The following KIAA0825 variants were observed in gnomAD, a reference collection of about 807,000 sequenced individuals.
The protein encoded by KIAA0825 is uncharacterized protein KIAA0825.
In KIAA0825, 119 loss-of-function variants were observed where a neutral mutation model predicts 147.6. That is an observed-to-expected ratio of 0.81 (90% confidence interval 0.69 to 0.94). The LOEUF is 0.94. KIAA0825 is among the 40% of genes least tolerant of loss of function. The pLI is 0.00. For missense variants in KIAA0825, 1,381 were observed against 1,472.7 expected (o/e 0.94, Z 1.02); for synonymous variants, 470 against 518.1 (o/e 0.91, Z 1.26).
At chr5:94,563,195 CA>C (rs58497890) in intron 2 of KIAA0825, among the ~76,000 whole-genome samples, 18,336 of 140,108 alleles carry the variant, frequency 0.13, 1,485 homozygotes, top group African/African-American at 0.23. Context: ...CCAAAAAAAA[CA>C]AAAAAAAAAA....
At chr5:94,507,902 C>G (rs1765953884) in intron 5 of KIAA0825, among the ~76,000 whole-genome samples, 1 of 152,094 alleles carries the variant, frequency 6.6e-6, no homozygotes, top group Admixed American at 6.5e-5. Flanking sequence ...TCCATAAATC[C>G]CACTAGCAAT....
intron 20 of KIAA0825, among the ~76,000 whole-genome samples, chr5:94,193,622 G>A (rs1024600789): frequency 5.9e-5 from 9 of 152,028 alleles, no homozygotes; most frequent in Admixed American, 3.9e-4. Context: ...AATATGTCAG[G>A]CACTCATCTA....
intron 2 of KIAA0825, among the ~76,000 whole-genome samples, chr5:94,545,006 T>C (rs1009236929): frequency 6.6e-6 from 1 of 150,656 alleles, no homozygotes; most frequent in Non-Finnish European, 1.5e-5. Context: ...AGCAACCACA[T>C]AGTGTGGAAA....
intron 5 of KIAA0825, among the ~76,000 whole-genome samples, chr5:94,494,421 G>A (rs889140162): frequency 2.7e-5 from 4 of 145,856 alleles, no homozygotes; most frequent in Non-Finnish European, 1.5e-5. Flanking sequence ...ATCAAAGAAT[G>A]GCTTACATTT....
intron 5 of KIAA0825, among the ~76,000 whole-genome samples, chr5:94,494,759 T>C (rs752305060): frequency 5.3e-5 from 8 of 152,174 alleles, no homozygotes; most frequent in Non-Finnish European, 8.8e-5. Flanking sequence ...AATTAACCTG[T>C]AGAAAAAACT....
At position 94,534,247 on chromosome 5, in the gene KIAA0825, C is replaced by T. The variant is rs78112763; in HGVS notation, c.131+2749G>A. On this transcript the variant is annotated intron_variant, in intron 3 of 20. Coordinates refer to ENST00000682413, the MANE Select transcript of KIAA0825 (RefSeq NM_001145678.3). Reference sequence around the variant, plus strand: ...CAGTGTAAGTGTGGCATAACTGATTCGTCATGACATACAATTTTCTAAAAG... The same window carrying T: ...CAGTGTAAGTGTGGCATAACTGATTTGTCATGACATACAATTTTCTAAAAG... 7.0e-3 allele frequency among the ~76,000 whole-genome samples: 1,063 copies of T among 152,164 alleles called. 8 individuals carry two copies. The highest frequency in any genetic ancestry group is 0.024 in the African/African-American group (1,013 of 41,524).
rs911053570 is a variant in KIAA0825 at position 94,235,807 on chromosome 5, A to G, written c.3711-81683T>C. 2.4e-4 allele frequency among the ~76,000 whole-genome samples: 36 copies of G among 152,206 alleles called. 1 individual carries two copies. Among genetic ancestry groups the G allele is most frequent in the African/African-American group, 8.7e-4 (36 of 41,446 alleles). On this transcript the variant is annotated intron_variant, in intron 20 of 20. Coordinates refer to ENST00000682413, the MANE Select transcript of KIAA0825 (RefSeq NM_001145678.3). ...TCCAAAAATCCTAGGGCCCTTAGGAATTATGCTAAATCTCCTGTGCTTGTG... is the reference window on the plus strand; with the variant it reads ...TCCAAAAATCCTAGGGCCCTTAGGAGTTATGCTAAATCTCCTGTGCTTGTG...
chr5:94,187,979 G>C (rs866498300), intron 20 of KIAA0825, among the ~76,000 whole-genome samples: 1 of 152,112 alleles, frequency 6.6e-6, no homozygotes, highest in South Asian at 2.1e-4. Context: ...TTTCAAAGAC[G>C]ATTAGGTCAC....
chr5:94,466,176 T>C (rs1760471094), intron 10 of KIAA0825, among the ~76,000 whole-genome samples: 1 of 152,208 alleles, frequency 6.6e-6, no homozygotes, highest in African/African-American at 2.4e-5. Context: ...GATCATTTCT[T>C]ATGTAGACAC....
At chr5:94,488,829 G>A (rs914226908) in intron 5 of KIAA0825, among the ~76,000 whole-genome samples, 3 of 152,124 alleles carry the variant, frequency 2.0e-5, no homozygotes, top group African/African-American at 7.2e-5. Flanking sequence ...TAATTCACAA[G>A]GCTAATTAGT....
chr5:94,368,914 T>C (rs1304095695), intron 20 of KIAA0825, among the ~76,000 whole-genome samples: 2 of 152,144 alleles, frequency 1.3e-5, no homozygotes, highest in Non-Finnish European at 2.9e-5. Flanking sequence ...ACACCTGTAA[T>C]CTCAGCACTT....
intron 16 of KIAA0825, among the ~76,000 whole-genome samples, chr5:94,399,593 A>C (rs916880067): frequency 1.3e-5 from 2 of 152,090 alleles, no homozygotes; most frequent in Non-Finnish European, 2.9e-5. Context: ...CCAGGGAAGG[A>C]TCTTTTAAGA....
Position 94,473,372 on chromosome 5 carries a change from T to C in KIAA0825, c.1375A>G (p.Met459Val), listed in dbSNP as rs371059997. The change falls in exon 8 of 21, where the codon ATG (methionine) becomes GTG (valine). Residue 459 changes from methionine to valine, a missense_variant. Coordinates refer to ENST00000682413, the MANE Select transcript of KIAA0825 (RefSeq NM_001145678.3). ...ACTTGCTGGACATTTACAAGGTTCA[T>C]AGCATAGCTCACAGCTGAAGACCTT... is the stretch of plus-strand genomic sequence containing the variant. ...NERSSAVSYA[M>V]NLVNVQQVWQ... The C allele has an allele frequency of 4.5e-6, 7 of 1,551,852 alleles. No homozygotes were observed. Among genetic ancestry groups the C allele is most frequent in the African/African-American group, 2.7e-5 (2 of 73,064 alleles).
chr5:94,296,157 G>C (rs148698287), intron 20 of KIAA0825, among the ~76,000 whole-genome samples: 2,135 of 152,282 alleles, frequency 0.014, 22 homozygotes, highest in Non-Finnish European at 0.023. Context: ...TTGCTGAGCT[G>C]CGGGGGTTCC....
intron 20 of KIAA0825, among the ~76,000 whole-genome samples, chr5:94,331,904 T>G (rs756336985): frequency 1.5e-4 from 23 of 152,082 alleles, no homozygotes; most frequent in Non-Finnish European, 2.9e-4. Context: ...CCCAGCACTT[T>G]GGGAGGCTGA....
At chr5:94,157,559 C>A (rs1767151062) in intron 20 of KIAA0825, among the ~76,000 whole-genome samples, 1 of 152,168 alleles carries the variant, frequency 6.6e-6, no homozygotes, top group Non-Finnish European at 1.5e-5. Flanking sequence ...GATGCATGTT[C>A]CTGAATTTAC....
intron 20 of KIAA0825, among the ~76,000 whole-genome samples, chr5:94,253,255 T>C (rs1776065582): frequency 1.3e-5 from 2 of 152,178 alleles, no homozygotes; most frequent in African/African-American, 4.8e-5. Context: ...AACCGTATGC[T>C]AGATAAAGAT....
intron 15 of KIAA0825, 70 bp downstream of exon 15, chr5:94,417,131 C>A: frequency 7.0e-7 from 1 of 1,420,294 alleles, no homozygotes; most frequent in Non-Finnish European, 9.6e-7. Flanking sequence ...AATACAACTT[C>A]TAAACATCTT....
chr5:94,523,892 C>T (rs772553508), intron 4 of KIAA0825, 38 bp downstream of exon 4: 2 of 1,352,238 alleles, frequency 1.5e-6, no homozygotes, highest in South Asian at 1.3e-5. Flanking sequence ...TCCCTGTTTA[C>T]TCATCCCACT....
Sources: allele counts gnomAD v4.1 joint callset (sites outside exome capture counted in the v4.1 genomes callset), GRCh38; gene constraint gnomAD v4.1.1; transcripts MANE v1.5; gene names NCBI Gene and HGNC (gene_info 2026-07-23, HGNC 2026-07-21).